The following MAGI1 variants were observed in gnomAD, a reference collection of about 807,000 sequenced individuals.
MAGI1 encodes membrane-associated guanylate kinase, WW and PDZ domain-containing protein 1.
A neutral mutation model predicts 139.9 loss-of-function variants in MAGI1; 58 were observed. The observed-to-expected ratio is 0.41, with a 90% CI of 0.34 to 0.52. The LOEUF (loss-of-function observed/expected upper bound fraction) is 0.52, where lower values mean the gene tolerates loss of function less well. MAGI1 is among the 20% of genes least tolerant of loss of function. The pLI is 0.12. For missense variants in MAGI1, 1,874 were observed against 1,901.6 expected, an observed-to-expected ratio of 0.99 and a Z score of 0.27; for synonymous variants, 812 against 737.9, an observed-to-expected ratio of 1.10 and a Z score of -1.63.
At chr3:65,858,062 T>C (rs761008584) in intron 1 of MAGI1, among the ~76,000 whole-genome samples, 4 of 152,110 alleles carry the variant, frequency 2.6e-5, no homozygotes, top group South Asian at 2.1e-4. Flanking sequence ...TGAGCCAACA[T>C]TGTGCCACTG....
At chr3:65,979,460 T>C (rs1469099092) in intron 1 of MAGI1, among the ~76,000 whole-genome samples, 2 of 152,212 alleles carry the variant, frequency 1.3e-5, no homozygotes, top group Non-Finnish European at 2.9e-5. Flanking sequence ...CAAAGCAACG[T>C]AGCCCAGCAA....
chr3:65,730,777 G>C (rs1280547313), intron 1 of MAGI1, among the ~76,000 whole-genome samples: 2 of 152,124 alleles, frequency 1.3e-5, no homozygotes, highest in African/African-American at 4.8e-5. Context: ...TGAATAAATG[G>C]TCACTAAAAG....
intron 2 of MAGI1, among the ~76,000 whole-genome samples, chr3:65,499,779 T>G (rs978057261): frequency 6.6e-6 from 1 of 152,186 alleles, no homozygotes; most frequent in African/African-American, 2.4e-5. Context: ...GTTTATGAGT[T>G]TTATGAGTTC....
intron 1 of MAGI1, among the ~76,000 whole-genome samples, chr3:65,658,346 T>C (rs979535826): frequency 6.6e-6 from 1 of 152,186 alleles, no homozygotes; most frequent in Non-Finnish European, 1.5e-5. Flanking sequence ...TTCCTGCATT[T>C]GCTATTCAGA....
intron 1 of MAGI1, among the ~76,000 whole-genome samples, chr3:65,860,633 G>T (rs1461387949): frequency 6.6e-6 from 1 of 152,172 alleles, no homozygotes; most frequent in East Asian, 1.9e-4. Flanking sequence ...CCAGAGAAAG[G>T]TCCCCTAGGA....
At chr3:65,818,043 A>AGTGTGTGTGTGTGT (rs57082137) in intron 1 of MAGI1, among the ~76,000 whole-genome samples, 3 of 149,066 alleles carry the variant, frequency 2.0e-5, no homozygotes, top group African/African-American at 7.4e-5. Flanking sequence ...TAAAATTATG[A>AGTGTGTGTGTGTGT]GTGTGTGTGT....
intron 12 of MAGI1, among the ~76,000 whole-genome samples, chr3:65,413,587 T>C (rs1204532936): frequency 1.3e-5 from 2 of 152,182 alleles, no homozygotes; most frequent in African/African-American, 4.8e-5. Flanking sequence ...ATTATGTGAC[T>C]TAGAGGGAAA....
intron 1 of MAGI1, among the ~76,000 whole-genome samples, chr3:65,864,825 AATGAAGATTCTAC>A (rs970308816): frequency 4.3e-4 from 66 of 152,212 alleles, no homozygotes; most frequent in Non-Finnish European, 7.5e-4. Context: ...ACAGTCACAA[AATGAAGATTCTAC>A]TGAGGCTACA....
chr3:65,816,768 T>C (rs1162279065), intron 1 of MAGI1, among the ~76,000 whole-genome samples: 1 of 152,188 alleles, frequency 6.6e-6, no homozygotes, highest in Non-Finnish European at 1.5e-5. Flanking sequence ...TTGCTAGCCA[T>C]GGCCAGTATA....
At chr3:65,777,542 G>C (rs1475336696) in intron 1 of MAGI1, among the ~76,000 whole-genome samples, 1 of 151,866 alleles carries the variant, frequency 6.6e-6, no homozygotes, top group East Asian at 1.9e-4. Context: ...GGGAGGCCAA[G>C]GTGGGAGGAT....
intron 1 of MAGI1, among the ~76,000 whole-genome samples, chr3:65,767,906 T>G (rs2037621159): frequency 6.6e-6 from 1 of 152,208 alleles, no homozygotes; most frequent in Non-Finnish European, 1.5e-5. Context: ...GCAATTTCAT[T>G]GTTCCTGGCT....
intron 1 of MAGI1, among the ~76,000 whole-genome samples, chr3:65,777,603 C>A (rs2038556889): frequency 7.1e-6 from 1 of 140,058 alleles, no homozygotes. Context: ...TGTTGTGCCA[C>A]TGCACTCCAG....
intron 1 of MAGI1, among the ~76,000 whole-genome samples, chr3:65,844,905 G>C (rs1316469699): frequency 1.3e-5 from 2 of 152,136 alleles, no homozygotes; most frequent in African/African-American, 4.8e-5. Context: ...TTGTGGCCAT[G>C]CATTAATTTG....
At chr3:65,705,283 A>C (rs2029997957) in intron 1 of MAGI1, among the ~76,000 whole-genome samples, 1 of 147,982 alleles carries the variant, frequency 6.8e-6, no homozygotes, top group South Asian at 2.1e-4. Context: ...AGAAAATTTC[A>C]CAAAGTGGTT....
intron 2 of MAGI1, among the ~76,000 whole-genome samples, chr3:65,497,608 C>T (rs992319254): frequency 2.6e-5 from 4 of 151,958 alleles, no homozygotes; most frequent in African/African-American, 4.8e-5. Flanking sequence ...TAAAACAAAA[C>T]AAAAAATCTG....
At position 65,963,170 on chromosome 3, in the gene MAGI1, T is replaced by A. The variant is rs1210403712; in HGVS notation, c.313+74826A>T. On this transcript the variant is annotated intron_variant, in intron 1 of 22. Coordinates refer to ENST00000402939, the MANE Select transcript of MAGI1 (RefSeq NM_001033057.2). ...ACACAGTGGGGAAAAAAAAAAAAAA[T>A]TAGCTGGGAGTGGCATTTGTAGTCC... Among the ~76,000 whole-genome samples, 4 of 145,088 alleles carry A rather than the reference T, an allele frequency of 2.8e-5. No homozygotes were observed. In the East Asian group the frequency reaches 6.2e-4, roughly 22 times the overall value.
intron 1 of MAGI1, among the ~76,000 whole-genome samples, chr3:65,911,696 G>A (rs11713555): frequency 0.08 from 12,211 of 152,124 alleles, 644 homozygotes; most frequent in Middle Eastern, 0.14. Flanking sequence ...TTTTATATAA[G>A]CCTATTATGT....
intron 2 of MAGI1, among the ~76,000 whole-genome samples, chr3:65,591,191 G>A (rs1237761359): frequency 1.3e-5 from 2 of 152,080 alleles, no homozygotes; most frequent in African/African-American, 2.4e-5. Context: ...TGACTGTCAA[G>A]CTCACTATGT....
chr3:65,813,423 G>A (rs951414738), intron 1 of MAGI1, among the ~76,000 whole-genome samples: 3 of 151,852 alleles, frequency 2.0e-5, no homozygotes, highest in Admixed American at 6.5e-5. Context: ...AAGGAGATGC[G>A]AATTATGAAA....
Sources: allele counts gnomAD v4.1 joint callset (sites outside exome capture counted in the v4.1 genomes callset), GRCh38; gene constraint gnomAD v4.1.1; transcripts MANE v1.5; gene names NCBI Gene and HGNC (gene_info 2026-07-23, HGNC 2026-07-21).